LDLRAD4: variants seen among roughly 807,000 people sequenced by gnomAD.
The protein encoded by LDLRAD4 is low-density lipoprotein receptor class A domain-containing protein 4.
LDLRAD4 carries 5 observed loss-of-function variants against 17.0 expected under a neutral mutation model. The ratio of observed to expected loss-of-function variants is 0.29; its 90% confidence interval spans 0.15 to 0.62. The LOEUF is 0.62. Ranked by LOEUF, LDLRAD4 falls within the 20% of genes least tolerant of loss-of-function variation. The probability of loss-of-function intolerance (pLI) is 0.84; values close to 1 mark genes in which losing one functional copy is unlikely to be tolerated. For missense variants in LDLRAD4, 340 were observed against 424.7 expected (o/e 0.80, Z 1.75); for synonymous variants, 168 against 171.8 (o/e 0.98, Z 0.17).
chr18:13,314,490 A>T (rs1249220505), intron 1 of LDLRAD4, among the ~76,000 whole-genome samples: 1 of 152,250 alleles, frequency 6.6e-6, no homozygotes, highest in Non-Finnish European at 1.5e-5. Context: ...ATTCCCACGC[A>T]GTGATCTTGA....
chr18:13,306,118 T>C (rs773481531), intron 1 of LDLRAD4, among the ~76,000 whole-genome samples: 2 of 152,218 alleles, frequency 1.3e-5, no homozygotes, highest in Non-Finnish European at 2.9e-5. Flanking sequence ...TATAGGTTTA[T>C]AAATGCAGAT....
rs1414750257 is a variant in LDLRAD4 at position 13,650,086 on chromosome 18, G to A, written c.*4429G>A. On this transcript the variant is annotated 3_prime_UTR_variant, in exon 6 of 6. Coordinates refer to ENST00000359446, the Ensembl canonical transcript of LDLRAD4. ...TCCACCACCGCCAGCTGCCAGCACCGCTACAGATCACAGAGATGTGAACAG... is the reference window on the plus strand; with the variant it reads ...TCCACCACCGCCAGCTGCCAGCACCACTACAGATCACAGAGATGTGAACAG... 20 of 398,642 alleles carry A rather than the reference G, an allele frequency of 5.0e-5. No individual in the cohort carries two copies. In the Admixed American group the frequency reaches 7.0e-4, roughly 14 times the overall value. 24.7% of individuals were successfully genotyped at this position (398,642 alleles called of 1,614,324 possible).
chr18:13,395,045 C>T (rs1599897608), intron 2 of LDLRAD4, among the ~76,000 whole-genome samples: 1 of 152,166 alleles, frequency 6.6e-6, no homozygotes, highest in African/African-American at 2.4e-5. Context: ...CTGGGGAAGG[C>T]ATTGCTTCCA....
At chr18:13,644,858 G>A (rs1188376818) in intron 5 of LDLRAD4, 2 of 451,390 alleles carry the variant, frequency 4.4e-6, no homozygotes, top group East Asian at 3.8e-5. Context: ...ACTCCCAGGA[G>A]CCCAAGCTTT....
At chr18:13,624,564 G>A (rs1442261867) in intron 4 of LDLRAD4, among the ~76,000 whole-genome samples, 2 of 152,224 alleles carry the variant, frequency 1.3e-5, no homozygotes, top group African/African-American at 4.8e-5. Flanking sequence ...GTGCCTTTGG[G>A]ATGGGGGAGT....
At chr18:13,405,046 C>T (rs189264868) in intron 2 of LDLRAD4, among the ~76,000 whole-genome samples, 98 of 151,960 alleles carry the variant, frequency 6.4e-4, no homozygotes, top group Admixed American at 1.0e-3. Flanking sequence ...GGGAAGGTCA[C>T]GGATCCCCTA....
At chr18:13,455,401 G>T (rs2092073657) in intron 3 of LDLRAD4, among the ~76,000 whole-genome samples, 1 of 152,180 alleles carries the variant, frequency 6.6e-6, no homozygotes, top group Non-Finnish European at 1.5e-5. Context: ...GGGATGTGGT[G>T]CTTTTTCCTG....
At chr18:13,328,579 T>C (rs563198011) in intron 1 of LDLRAD4, among the ~76,000 whole-genome samples, 1 of 152,344 alleles carries the variant, frequency 6.6e-6, no homozygotes, top group East Asian at 1.9e-4. Flanking sequence ...TCAGCTGATA[T>C]GTCCTTATCC....
At chr18:13,572,045 G>A (rs775655999) in intron 3 of LDLRAD4, among the ~76,000 whole-genome samples, 1 of 152,154 alleles carries the variant, frequency 6.6e-6, no homozygotes, top group Non-Finnish European at 1.5e-5. Context: ...CCTTAACATT[G>A]TCAATATATG....
chr18:13,500,660 GTCAGAGCCTCGTTGAGTAACAAT>G (rs1168827741), intron 3 of LDLRAD4: 3 of 152,192 alleles, frequency 2.0e-5, no homozygotes, highest in Non-Finnish European at 4.4e-5. Context: ...GGAGGCTGAT[GTCAGAGCCTCGTTGAGTAACAAT>G]GGAGAAAATC....
rs2090925898 is a variant in LDLRAD4 at position 13,440,047 on chromosome 18, A to G, written c.181+1663A>G. ...TTAGAAGGAGGTGAGTACAAGCAGC[A>G]TCTTACTCTGTTTTCTCTGGACTTG... On this transcript the variant is annotated intron_variant, in intron 3 of 5. Coordinates refer to ENST00000359446, the Ensembl canonical transcript of LDLRAD4. The surrounding 1 kb of genome is among the most constrained non-coding windows in gnomAD (Gnocchi z 4.4). Among the ~76,000 whole-genome samples the G allele has an allele frequency of 6.6e-6, 1 of 152,198 alleles. No individual in the cohort carries two copies.
chr18:13,447,884 C>T (rs1044064042), intron 3 of LDLRAD4, among the ~76,000 whole-genome samples: 4 of 152,172 alleles, frequency 2.6e-5, no homozygotes, highest in African/African-American at 9.7e-5. Flanking sequence ...TAAGGACACG[C>T]AATGAGACGC....
chr18:13,524,639 A>G (rs1378572499), intron 3 of LDLRAD4, among the ~76,000 whole-genome samples: 1 of 152,242 alleles, frequency 6.6e-6, no homozygotes, highest in Non-Finnish European at 1.5e-5. Context: ...TGAATAGCTC[A>G]CTAAACATCA....
intron 1 of LDLRAD4, among the ~76,000 whole-genome samples, chr18:13,285,026 T>C (rs2146318083): frequency 6.6e-6 from 1 of 152,314 alleles, no homozygotes; most frequent in Non-Finnish European, 1.5e-5. Flanking sequence ...TGACATTGGT[T>C]GGGGGCGTGG....
chr18:13,309,343 A>C (rs1402491987), intron 1 of LDLRAD4, among the ~76,000 whole-genome samples: 1 of 152,236 alleles, frequency 6.6e-6, no homozygotes, highest in Non-Finnish European at 1.5e-5. Flanking sequence ...CATGAGCCGG[A>C]TGATGATGAC....
intron 3 of LDLRAD4, among the ~76,000 whole-genome samples, chr18:13,476,881 T>G (rs561527899): frequency 6.6e-6 from 1 of 152,336 alleles, no homozygotes; most frequent in South Asian, 2.1e-4. Flanking sequence ...CTTATATTTT[T>G]GGACAAAGGA....
chr18:13,593,982 T>C (rs1477321080), intron 3 of LDLRAD4, among the ~76,000 whole-genome samples: 1 of 152,162 alleles, frequency 6.6e-6, no homozygotes, highest in East Asian at 1.9e-4. Flanking sequence ...TAAAATTTTC[T>C]TTTCCTCCAA....
intron 3 of LDLRAD4, among the ~76,000 whole-genome samples, chr18:13,572,818 G>T (rs933684994): frequency 3.9e-5 from 6 of 152,216 alleles, no homozygotes; most frequent in Admixed American, 2.0e-4. Flanking sequence ...GTAGGAATTT[G>T]TTAGCAGTGC....
chr18:13,301,734 C>G (rs1202861392), intron 1 of LDLRAD4, among the ~76,000 whole-genome samples: 1 of 152,184 alleles, frequency 6.6e-6, no homozygotes, highest in Non-Finnish European at 1.5e-5. Context: ...CTCACTAGGC[C>G]CCATTGCCCA....
Sources: allele counts gnomAD v4.1 joint callset (sites outside exome capture counted in the v4.1 genomes callset), GRCh38; gene constraint gnomAD v4.1.1; non-coding constraint Gnocchi (gnomAD v3.1); transcripts MANE v1.5; gene names NCBI Gene and HGNC (gene_info 2026-07-23, HGNC 2026-07-21).